FGF12: variants seen among roughly 807,000 people sequenced by gnomAD.
FGF12 encodes the protein fibroblast growth factor 12B.
A neutral mutation model predicts 23.6 loss-of-function variants in FGF12; 14 were observed. The ratio of observed to expected loss-of-function variants is 0.59; its 90% CI spans 0.39 to 0.93. The LOEUF is 0.93. FGF12 is among the 40% of genes least tolerant of loss of function. The pLI is 0.00. For synonymous variants in FGF12, 62 were observed against 77.3 expected (o/e 0.80, Z 1.04); for missense variants, 175 against 217.8 (o/e 0.80, Z 1.24).
At chr3:192,627,931 A>T (rs369255380) in intron 2 of FGF12, among the ~76,000 whole-genome samples, 3 of 152,084 alleles carry the variant, frequency 2.0e-5, no homozygotes, top group East Asian at 1.9e-4. Context: ...AGGCCACCAC[A>T]ATCAAAATGA....
chr3:192,434,301 A>G (rs1041774583), intron 2 of FGF12, among the ~76,000 whole-genome samples: 3 of 152,214 alleles, frequency 2.0e-5, no homozygotes, highest in African/African-American at 4.8e-5. Flanking sequence ...GAAGGACATC[A>G]GCTTTTCCTT....
At chr3:192,607,418 G>A (rs182726527) in intron 2 of FGF12, among the ~76,000 whole-genome samples, 1 of 152,144 alleles carries the variant, frequency 6.6e-6, no homozygotes, top group Middle Eastern at 3.2e-3. Context: ...TGGAAGAGGA[G>A]GAGTTTCAGG....
chr3:192,235,014 T>A (rs1641531764), intron 4 of FGF12, among the ~76,000 whole-genome samples: 1 of 152,154 alleles, frequency 6.6e-6, no homozygotes, highest in African/African-American at 2.4e-5. Context: ...TTTTCCCTCG[T>A]GTCTCTGCCA....
intron 2 of FGF12, among the ~76,000 whole-genome samples, chr3:192,611,994 T>C (rs1440377926): frequency 3.3e-5 from 5 of 151,974 alleles, no homozygotes; most frequent in East Asian, 1.9e-4. Flanking sequence ...CGGAGAGTCA[T>C]TGATGAGTTC....
chr3:192,148,073 A>C (rs1034576383), intron 5 of FGF12, among the ~76,000 whole-genome samples: 1 of 152,200 alleles, frequency 6.6e-6, no homozygotes, highest in Admixed American at 6.5e-5. Flanking sequence ...AAAATTAAAT[A>C]CGGATGTACC....
chr3:192,591,168 A>C (rs931062202), intron 2 of FGF12, among the ~76,000 whole-genome samples: 2 of 151,338 alleles, frequency 1.3e-5, no homozygotes, highest in Non-Finnish European at 3.0e-5. Flanking sequence ...CAGTTCCTTC[A>C]TAGGCACAGT....
chr3:192,270,262 C>T lies in FGF12; in HGVS notation c.228+65099G>A, dbSNP rs187015282. 1.2e-3 allele frequency among the ~76,000 whole-genome samples: 190 copies of T among 152,282 alleles called. 1 individual carries two copies. In the Middle Eastern group the frequency reaches 0.017, roughly 14 times the overall value. On this transcript the variant is annotated intron_variant, in intron 4 of 5. Transcript: ENST00000445105. ...AAAAGCAAAAGCATTTTTCTTTTCT[C>T]CAAGGAGCCTCAGGCTACATGTAAT...
intron 4 of FGF12, among the ~76,000 whole-genome samples, chr3:192,332,078 T>C (rs1278672571): frequency 1.3e-5 from 2 of 152,114 alleles, no homozygotes; most frequent in East Asian, 3.9e-4. Context: ...ATGCATAAAA[T>C]TATTCAAAAC....
chr3:192,546,238 A>G (rs1028069757), intron 2 of FGF12, among the ~76,000 whole-genome samples: 4 of 152,172 alleles, frequency 2.6e-5, no homozygotes, highest in East Asian at 3.9e-4. Context: ...ATTATAGAGT[A>G]TTGTAAGAAG....
chr3:192,716,045 G>A (rs1718855240), intron 2 of FGF12, among the ~76,000 whole-genome samples: 1 of 152,220 alleles, frequency 6.6e-6, no homozygotes, highest in Admixed American at 6.5e-5. Context: ...TCTATTTCTA[G>A]ATTGAATTCC....
At chr3:192,681,309 G>A (rs970776360) in intron 2 of FGF12, among the ~76,000 whole-genome samples, 4 of 152,206 alleles carry the variant, frequency 2.6e-5, no homozygotes, top group Non-Finnish European at 1.5e-5. Flanking sequence ...GCTGCCTTAG[G>A]AATGACTAAG....
chr3:192,406,931 G>T lies in FGF12; in HGVS notation c.14-46393C>A, dbSNP rs375187983. Among the ~76,000 whole-genome samples, 641 of 152,324 alleles carry T rather than the reference G, an allele frequency of 4.2e-3. 3 individuals are homozygous for T. Among genetic ancestry groups the T allele is most frequent in the Middle Eastern group, 0.017 (5 of 294 alleles). On this transcript the variant is annotated intron_variant, in intron 2 of 5. Coordinates refer to ENST00000445105, the MANE Select transcript of FGF12 (RefSeq NM_004113.6). Reference sequence around the variant, plus strand: ...AACTAGCCAACAGATTACAGGGCAGGCTCCCTTTCCAGACAGTATTTCCTT... The same window carrying T: ...AACTAGCCAACAGATTACAGGGCAGTCTCCCTTTCCAGACAGTATTTCCTT...
chr3:192,581,509 T>C lies in FGF12; in HGVS notation c.13+145672A>G, dbSNP rs181781515. Among the ~76,000 whole-genome samples, 193 of 138,516 alleles carry C rather than the reference T, an allele frequency of 1.4e-3. 2 individuals are homozygous for C. Among genetic ancestry groups the C allele is most frequent in the African/African-American group, 4.8e-3 (180 of 37,364 alleles). 90.9% of individuals were successfully genotyped at this position (138,516 alleles called of 152,430 possible). A position where few individuals can be genotyped will look rare whatever the true frequency, so the allele number is the denominator to read the frequency against. ...GTGTATATATATATATATATATATA[T>C]ACAGGAAGAATACATGCAAAAATGT... On this transcript the variant is annotated intron_variant, in intron 2 of 5. Coordinates refer to ENST00000445105, the MANE Select transcript of FGF12 (RefSeq NM_004113.6).
intron 2 of FGF12, among the ~76,000 whole-genome samples, chr3:192,629,582 T>C (rs1715308144): frequency 6.6e-6 from 1 of 152,222 alleles, no homozygotes; most frequent in African/African-American, 2.4e-5. Flanking sequence ...CAATAAAAAC[T>C]AACTTCCCTG....
chr3:192,202,681 C>A (rs1462942914), intron 4 of FGF12, among the ~76,000 whole-genome samples: 1 of 152,144 alleles, frequency 6.6e-6, no homozygotes, highest in African/African-American at 2.4e-5. Context: ...CTCTATTATT[C>A]TCCCTATGTG....
intron 2 of FGF12, among the ~76,000 whole-genome samples, chr3:192,622,486 G>A (rs1715010289): frequency 6.6e-6 from 1 of 152,042 alleles, no homozygotes; most frequent in Admixed American, 6.6e-5. Flanking sequence ...GAGGGGTCAG[G>A]GACCACCAGT....
intron 2 of FGF12, among the ~76,000 whole-genome samples, chr3:192,714,826 A>G (rs1434414910): frequency 6.6e-6 from 1 of 152,146 alleles, no homozygotes; most frequent in Admixed American, 6.5e-5. Context: ...CCAAGGAAAT[A>G]ATTTTTAAGC....
chr3:192,705,631 A>G (rs770345746), intron 2 of FGF12, among the ~76,000 whole-genome samples: 1 of 152,250 alleles, frequency 6.6e-6, no homozygotes, highest in Non-Finnish European at 1.5e-5. Context: ...ACAGATCACC[A>G]TGAAAGTTAT....
intron 4 of FGF12, among the ~76,000 whole-genome samples, chr3:192,294,161 G>T (rs374653683): frequency 1.4e-3 from 217 of 151,980 alleles, no homozygotes; most frequent in African/African-American, 5.1e-3. Flanking sequence ...GTTCCTCCTT[G>T]CCTTCCACCA....
Sources: allele counts gnomAD v4.1 joint callset (sites outside exome capture counted in the v4.1 genomes callset), GRCh38; gene constraint gnomAD v4.1.1; transcripts MANE v1.5; gene names NCBI Gene and HGNC (gene_info 2026-07-23, HGNC 2026-07-21).